The following TRIP4 variants were observed in gnomAD, a reference collection of about 807,000 sequenced individuals.
The protein encoded by TRIP4 is thyroid hormone receptor interactor 4.
A neutral mutation model predicts 81.8 loss-of-function variants in TRIP4; 54 were observed. That is an observed-to-expected ratio of 0.66 (90% CI 0.53 to 0.83). The LOEUF (loss-of-function observed/expected upper bound fraction) is 0.83. Ranked by LOEUF, TRIP4 falls within the 40% of genes least tolerant of loss-of-function variation. The pLI, the probability that TRIP4 is intolerant of heterozygous loss-of-function variation, is 0.00. For synonymous variants in TRIP4, 270 were observed against 242.8 expected (o/e 1.11, Z -1.04); for missense variants, 662 against 683.6 (o/e 0.97, Z 0.35).
chr15:64,400,947 G>GT, intron 5 of TRIP4, 126 bp downstream of exon 5: 1 of 650,666 alleles, frequency 1.5e-6, no homozygotes. Flanking sequence ...GTTTTTTTGG[G>GT]GGGTTTTTTT....
rs1301674324 is a variant in TRIP4, at chr15:64,431,710, T to TA, written c.1575+6090dup. On this transcript the variant is annotated intron_variant, in intron 11 of 12. Coordinates refer to ENST00000261884, the MANE Select transcript of TRIP4 (RefSeq NM_016213.5). ...AACAGCGTGAGACTCCATCTCAAAT[T>TA]AAAAAAAAAAACAAAACTGGAACAT... Among the ~76,000 whole-genome samples, 987 of 139,346 alleles carry TA rather than the reference T, an allele frequency of 7.1e-3. 9 individuals carry two copies. Among genetic ancestry groups the TA allele is most frequent in the African/African-American group, 0.02 (751 of 38,156 alleles). The allele number at this position is 139,346 out of a possible 152,430, so 91.4% of individuals were successfully genotyped here.
At chr15:64,445,558 G>C (rs1035605083) in intron 12 of TRIP4, among the ~76,000 whole-genome samples, 1 of 150,298 alleles carries the variant, frequency 6.7e-6, no homozygotes, top group Admixed American at 6.7e-5. Flanking sequence ...AGTCTCAGCT[G>C]CTTGGAAGGC....
intron 9 of TRIP4, 119 bp downstream of exon 9, chr15:64,418,847 A>C (rs1891945489): frequency 2.1e-6 from 2 of 932,984 alleles, no homozygotes; most frequent in Non-Finnish European, 3.0e-6. Flanking sequence ...ACTCTTCAAT[A>C]AATAGAACTT....
At chr15:64,448,153 T>C (rs1391235008) in intron 12 of TRIP4, among the ~76,000 whole-genome samples, 1 of 152,242 alleles carries the variant, frequency 6.6e-6, no homozygotes, top group African/African-American at 2.4e-5. Context: ...TCAAACCCAC[T>C]GTTAATTGAT....
intron 1 of TRIP4, among the ~76,000 whole-genome samples, chr15:64,391,549 A>G (rs1900130746): frequency 6.6e-6 from 1 of 152,166 alleles, no homozygotes; most frequent in African/African-American, 2.4e-5. Flanking sequence ...ATGAGTTCAT[A>G]TTATTTTGAT....
At chr15:64,400,972 T>C in intron 5 of TRIP4, 151 bp downstream of exon 5, 1 of 671,790 alleles carries the variant, frequency 1.5e-6, no homozygotes. Flanking sequence ...TTGTTTTGTT[T>C]TGTTTTGATG....
At chr15:64,451,137 G>C (rs752667675) in intron 12 of TRIP4, among the ~76,000 whole-genome samples, 2 of 151,832 alleles carry the variant, frequency 1.3e-5, no homozygotes, top group South Asian at 4.2e-4. Context: ...TTTTGAGATG[G>C]GGTCTTGCTC....
chr15:64,454,718 GT>G (rs578241941), intron 12 of TRIP4, among the ~76,000 whole-genome samples: 96 of 152,280 alleles, frequency 6.3e-4, no homozygotes, highest in African/African-American at 2.2e-3. Flanking sequence ...CCTTAAAAAT[GT>G]GATTATTTCT....
chr15:64,434,639 T>C (rs991963340), intron 11 of TRIP4, among the ~76,000 whole-genome samples: 5 of 152,122 alleles, frequency 3.3e-5, no homozygotes, highest in African/African-American at 1.2e-4. Flanking sequence ...GAGAAGACAG[T>C]TGTAGTCCAG....
chr15:64,415,515 T>G (rs187142598), intron 8 of TRIP4, among the ~76,000 whole-genome samples: 1 of 152,280 alleles, frequency 6.6e-6, no homozygotes, highest in East Asian at 1.9e-4. Context: ...ACTTACCTCT[T>G]TAAGATTCTG....
chr15:64,454,011 T>C (rs1892828347), intron 12 of TRIP4, among the ~76,000 whole-genome samples: 1 of 152,204 alleles, frequency 6.6e-6, no homozygotes, highest in Admixed American at 6.5e-5. Context: ...TGCTCTGTTA[T>C]GCCCAATTGC....
At chr15:64,428,339 A>G (rs1892194752) in intron 11 of TRIP4, among the ~76,000 whole-genome samples, 1 of 152,240 alleles carries the variant, frequency 6.6e-6, no homozygotes, top group South Asian at 2.1e-4. Flanking sequence ...AATTAAAACA[A>G]GTCTTGTTGA....
At chr15:64,394,714 C>T (rs1223430222) in intron 2 of TRIP4, among the ~76,000 whole-genome samples, 1 of 151,736 alleles carries the variant, frequency 6.6e-6, no homozygotes, top group Non-Finnish European at 1.5e-5. Context: ...ATTTTTCAGT[C>T]GTGCATACCT....
intron 12 of TRIP4, among the ~76,000 whole-genome samples, chr15:64,452,163 T>C (rs1190309472): frequency 1.3e-5 from 2 of 151,846 alleles, no homozygotes; most frequent in African/African-American, 4.8e-5. Flanking sequence ...GGTTTTTTTG[T>C]TAGAGACAGT....
chr15:64,391,193 G>T (rs1277736527), intron 1 of TRIP4, among the ~76,000 whole-genome samples: 2 of 150,710 alleles, frequency 1.3e-5, no homozygotes, highest in African/African-American at 2.4e-5. Flanking sequence ...GTCTCACTCT[G>T]TCGCCCAGGC....
At position 64,394,027 on chromosome 15, in the gene TRIP4, T is replaced by C; in HGVS notation, c.183T>C (p.Gly61=). 1 of 1,612,318 alleles carries C rather than the reference T, an allele frequency of 6.2e-7. No homozygotes were observed. The highest frequency in any genetic ancestry group is 8.5e-7 in the Non-Finnish European group (1 of 1,179,204). Residue 61 remains glycine, a synonymous_variant, in exon 2 of 13, where the codon GGT becomes GGC. Transcript: ENST00000261884. The part of the protein sequence containing the change: ...DLLQGNEGKK[G]QFIEELITKW... ...TCCAGGGAAATGAAGGCAAAAAAGG[T>C]CAATTCATAGAAGAACTTATAACCA...
rs1448366351 is a variant in TRIP4, at chr15:64,455,219, T to G, written c.*155T>G. 1 of 543,692 alleles carries G rather than the reference T, an allele frequency of 1.8e-6. No homozygotes were observed. Among genetic ancestry groups the G allele is most frequent in the Non-Finnish European group, 3.1e-6 (1 of 317,778 alleles). The allele number at this position is 543,692 out of a possible 1,614,324, so 33.7% of individuals were successfully genotyped here. A position where few individuals can be genotyped will look rare whatever the true frequency, so the allele number is the denominator to read the frequency against. Reference sequence around the variant, plus strand: ...ACTCTTACCAAAATCTGTATATTTTTCTTAAGGAGTGGGATTCCTACTTTA... The same window carrying G: ...ACTCTTACCAAAATCTGTATATTTTGCTTAAGGAGTGGGATTCCTACTTTA... On this transcript the variant is annotated 3_prime_UTR_variant, in exon 13 of 13. Coordinates refer to ENST00000261884, the MANE Select transcript of TRIP4 (RefSeq NM_016213.5).
intron 4 of TRIP4, among the ~76,000 whole-genome samples, chr15:64,398,701 T>C (rs1339820895): frequency 6.6e-6 from 1 of 152,116 alleles, no homozygotes; most frequent in East Asian, 1.9e-4. Flanking sequence ...CTCAGATCAT[T>C]ATAGCTTCTA....
At chr15:64,393,738 G>T (rs976970444) in intron 1 of TRIP4, 1 of 366,630 alleles carries the variant, frequency 2.7e-6, no homozygotes. Flanking sequence ...GTATAACGTT[G>T]TTTTTTTCCT....
Sources: allele counts gnomAD v4.1 joint callset (sites outside exome capture counted in the v4.1 genomes callset), GRCh38; gene constraint gnomAD v4.1.1; transcripts MANE v1.5; gene names NCBI Gene and HGNC (gene_info 2026-07-23, HGNC 2026-07-21).